IQGAP2: variants seen among roughly 807,000 people sequenced by gnomAD.
IQGAP2 encodes the protein ras GTPase-activating-like protein IQGAP2.
In IQGAP2, 173 loss-of-function variants were observed where a neutral mutation model predicts 201.3. That is an observed-to-expected ratio of 0.86 (90% CI 0.76 to 0.98). The LOEUF is 0.98. Ranked by LOEUF, IQGAP2 falls within the 50% of genes least tolerant of loss-of-function variation. The probability of loss-of-function intolerance (pLI) is 0.00; values close to 1 mark genes in which losing one functional copy is unlikely to be tolerated. For missense variants in IQGAP2, 1,687 were observed against 1,864.8 expected (o/e 0.90, Z 1.76); for synonymous variants, 675 against 673.9 (o/e 1.00, Z -0.03).
chr5:76,429,613 T>TAC (rs1167182470), intron 1 of IQGAP2, among the ~76,000 whole-genome samples: 2 of 145,140 alleles, frequency 1.4e-5, no homozygotes, highest in Non-Finnish European at 1.5e-5. Flanking sequence ...TTTATATATA[T>TAC]ACATATATAA....
chr5:76,554,736 A>C (rs1743819570), intron 2 of IQGAP2, among the ~76,000 whole-genome samples: 1 of 152,178 alleles, frequency 6.6e-6, no homozygotes, highest in African/African-American at 2.4e-5. Flanking sequence ...GCTGTTTTGG[A>C]AAACAGTCTG....
In IQGAP2 at chr5:76,637,193, TGATG is replaced by T. The variant is rs1580687414; in HGVS notation, c.1923+21_1923+24del. 6.3e-7 allele frequency: 1 copy of T among 1,588,320 alleles called. No individual in the cohort carries two copies. The highest frequency in any genetic ancestry group is 2.2e-5 in the East Asian group (1 of 44,510). ...GAAATCGAGGTAGGAGGTTGGTGTT[TGATG>T]GATAACTCTACTGTATAAAGTTAAA... On this transcript the variant is annotated intron_variant, in intron 16 of 35. Transcript: ENST00000274364.
chr5:76,628,370 C>T (rs1405920821), intron 14 of IQGAP2, among the ~76,000 whole-genome samples: 1 of 152,106 alleles, frequency 6.6e-6, no homozygotes, highest in Admixed American at 6.6e-5. Context: ...ACAGTGGGTC[C>T]CTAAACTCTT....
In IQGAP2 at chr5:76,630,123, G is replaced by A. The variant is rs966649651; in HGVS notation, c.1613-1736G>A. On this transcript the variant is annotated intron_variant, in intron 14 of 35. Transcript: ENST00000274364. ...ACTTAGAGCACATCAGAAGCCACAAGTCACAAGGCAGTAAAGTGCTTAAGC... is the reference window on the plus strand; with the variant it reads ...ACTTAGAGCACATCAGAAGCCACAAATCACAAGGCAGTAAAGTGCTTAAGC... Among the ~76,000 whole-genome samples the A allele has an allele frequency of 4.6e-5, 7 of 152,152 alleles. No homozygotes were observed. The East Asian group carries it at 1.3e-3, about 29-fold the overall frequency.
At chr5:76,479,495 G>T (rs1319670211) in intron 2 of IQGAP2, among the ~76,000 whole-genome samples, 4 of 152,160 alleles carry the variant, frequency 2.6e-5, no homozygotes, top group African/African-American at 9.7e-5. Context: ...GGAAATGGCT[G>T]AATTCCACAT....
chr5:76,454,830 A>G (rs1753977656), intron 1 of IQGAP2, among the ~76,000 whole-genome samples: 1 of 152,134 alleles, frequency 6.6e-6, no homozygotes, highest in South Asian at 2.1e-4. Flanking sequence ...GCTGGGTCAA[A>G]TAGTATTTCT....
intron 20 of IQGAP2, among the ~76,000 whole-genome samples, chr5:76,657,385 T>C (rs760164797): frequency 6.6e-6 from 1 of 152,172 alleles, no homozygotes; most frequent in Non-Finnish European, 1.5e-5. Context: ...GCTTCAGTGG[T>C]CAGGAAATAA....
chr5:76,665,302 C>G (rs1441850966), intron 22 of IQGAP2, 127 bp downstream of exon 22: 6 of 773,814 alleles, frequency 7.8e-6, no homozygotes, highest in Non-Finnish European at 1.3e-5. Flanking sequence ...CTACTAAGTA[C>G]CAAGTGCTGT....
At chr5:76,503,717 G>A (rs1757429727) in intron 2 of IQGAP2, among the ~76,000 whole-genome samples, 1 of 151,772 alleles carries the variant, frequency 6.6e-6, no homozygotes. Flanking sequence ...TCAGCCTCCC[G>A]AGTTAGCTGG....
chr5:76,470,712 C>T (rs759950556), intron 2 of IQGAP2, among the ~76,000 whole-genome samples: 15 of 152,158 alleles, frequency 9.9e-5, no homozygotes, highest in Non-Finnish European at 1.9e-4. Flanking sequence ...TGCCTGGCAA[C>T]TCCCTTGATT....
intron 13 of IQGAP2, among the ~76,000 whole-genome samples, chr5:76,612,006 A>T (rs1169659470): frequency 1.3e-5 from 2 of 152,150 alleles, no homozygotes; most frequent in Non-Finnish European, 1.5e-5. Flanking sequence ...AACAGGAAAA[A>T]CATCCTTGGT....
At chr5:76,703,472 C>G (rs898444944) in intron 35 of IQGAP2, among the ~76,000 whole-genome samples, 2 of 151,924 alleles carry the variant, frequency 1.3e-5, no homozygotes, top group Non-Finnish European at 2.9e-5. Context: ...ATAGTTTTTA[C>G]GTCAATTTAT....
Position 76,689,230 on chromosome 5 carries a change from T to TAAAAAAAAAAAA in IQGAP2, c.3906-4110_3906-4099dup, listed in dbSNP as rs11424254. ...TAATACTACCAAGCACAGGGATATT[T>TAAAAAAAAAAAA]AAAAAAAAAAAAAAAAAAAAAAAAA... On this transcript the variant is annotated intron_variant, in intron 30 of 35. Transcript: ENST00000274364. Among the ~76,000 whole-genome samples the TAAAAAAAAAAAA allele has an allele frequency of 7.2e-4, 62 of 86,482 alleles. 4 individuals are homozygous for TAAAAAAAAAAAA. The highest frequency in any genetic ancestry group is 1.8e-3 in the African/African-American group (39 of 21,130). The allele number at this position is 86,482 out of a possible 152,430, so 56.7% of individuals were successfully genotyped here. A position where few individuals can be genotyped will look rare whatever the true frequency, so the allele number is the denominator to read the frequency against.
intron 2 of IQGAP2, among the ~76,000 whole-genome samples, chr5:76,522,758 T>G (rs1041930381): frequency 2.6e-5 from 4 of 152,286 alleles, no homozygotes; most frequent in Admixed American, 1.3e-4. Flanking sequence ...GATCAATCAT[T>G]AACCAAGGAA....
At chr5:76,443,621 A>C (rs1183397865) in intron 1 of IQGAP2, among the ~76,000 whole-genome samples, 2 of 152,110 alleles carry the variant, frequency 1.3e-5, no homozygotes, top group Admixed American at 6.6e-5. Context: ...TCTTCCTCTG[A>C]AAATAAAGCC....
chr5:76,511,569 T>A (rs1182509243), intron 2 of IQGAP2, among the ~76,000 whole-genome samples: 1 of 152,178 alleles, frequency 6.6e-6, no homozygotes, highest in Non-Finnish European at 1.5e-5. Context: ...AGTAGACCAG[T>A]CATGTTCCAT....
intron 1 of IQGAP2, among the ~76,000 whole-genome samples, chr5:76,421,868 C>G (rs1473347341): frequency 1.3e-5 from 2 of 152,136 alleles, no homozygotes; most frequent in Non-Finnish European, 2.9e-5. Flanking sequence ...GTTTTGTTAA[C>G]CTGGCTCATC....
chr5:76,427,637 G>T (rs889073963), intron 1 of IQGAP2, among the ~76,000 whole-genome samples: 7 of 152,214 alleles, frequency 4.6e-5, no homozygotes, highest in African/African-American at 1.7e-4. Context: ...ATGCGCGTGT[G>T]TCATGTGAGG....
At position 76,557,521 on chromosome 5, in the gene IQGAP2, T is replaced by A. The variant is rs1024852913; in HGVS notation, c.147-4875T>A. Among the ~76,000 whole-genome samples, 14 of 152,318 alleles carry A rather than the reference T, an allele frequency of 9.2e-5. 1 individual carries two copies. Among genetic ancestry groups the A allele is most frequent in the Admixed American group, 6.5e-4 (10 of 15,300 alleles). The stretch of plus-strand genomic sequence containing the variant: ...AGGTATCTCCATTGATGCCTAATGT[T>A]AAAAAAAGTAACATTTTGTAAATCT... On this transcript the variant is annotated intron_variant, in intron 2 of 35. Coordinates refer to ENST00000274364, the MANE Select transcript of IQGAP2 (RefSeq NM_006633.5).
Sources: allele counts gnomAD v4.1 joint callset (sites outside exome capture counted in the v4.1 genomes callset), GRCh38; gene constraint gnomAD v4.1.1; transcripts MANE v1.5; gene names NCBI Gene and HGNC (gene_info 2026-07-23, HGNC 2026-07-21).